ADAMTSL1: variants seen among roughly 807,000 people sequenced by gnomAD.
ADAMTSL1 encodes ADAMTS-like protein 1.
Under a neutral mutation model 201.8 loss-of-function variants are expected in ADAMTSL1, and 126 were observed. That is an observed-to-expected ratio of 0.62 (90% CI 0.54 to 0.72). ADAMTSL1 has a LOEUF of 0.72. Among genes scored for constraint, ADAMTSL1 ranks in the 30% least tolerant of loss-of-function variants. The pLI is 0.00. For missense variants in ADAMTSL1, 2,679 were observed against 2,277.8 expected (o/e 1.18, Z -3.59); for synonymous variants, 1,121 against 903.4 (o/e 1.24, Z -4.32).
chr9:18,033,919 A>T (rs1308346505), intron 1 of ADAMTSL1, among the ~76,000 whole-genome samples: 1 of 152,172 alleles, frequency 6.6e-6, no homozygotes, highest in Non-Finnish European at 1.5e-5. Flanking sequence ...TGTATACATT[A>T]TCACAATAAA....
chr9:18,573,897 A>G (rs1314335946), intron 3 of ADAMTSL1, 133 bp from the exon 4 acceptor site: 2 of 676,796 alleles, frequency 3.0e-6, no homozygotes, highest in Non-Finnish European at 5.1e-6. Flanking sequence ...AGATGATATT[A>G]TAAGTTCCAT....
At chr9:18,429,251 T>C (rs1819373671) in intron 2 of ADAMTSL1, among the ~76,000 whole-genome samples, 1 of 152,214 alleles carries the variant, frequency 6.6e-6, no homozygotes, top group South Asian at 2.1e-4. Flanking sequence ...AATCATAACC[T>C]CTTAGTCAAT....
chr9:18,166,382 A>G lies in ADAMTSL1; in HGVS notation c.207+2401A>G, dbSNP rs538289614. On this transcript the variant is annotated intron_variant, in intron 2 of 29. Coordinates refer to the ADAMTSL1 transcript ENST00000680146. ...ACATTTTATATTGAAAACACTGAGA[A>G]TTCCATCACGGAATATGCATGAAAA... Among the ~76,000 whole-genome samples, 11 of 152,076 alleles carry G rather than the reference A, an allele frequency of 7.2e-5. No homozygotes were observed. In the South Asian group the frequency reaches 1.7e-3, roughly 23 times the overall value.
At chr9:18,635,898 G>GATTGCTTCTATCCTTGCCTTCTAA (rs766264038) in intron 5 of ADAMTSL1, 45 bp from the exon 6 acceptor site, 29 of 1,525,868 alleles carry the variant, frequency 1.9e-5, no homozygotes, top group Non-Finnish European at 2.6e-5. Flanking sequence ...CAATAATTTT[G>GATTGCTTCTATCCTTGCCTTCTAA]TGTCAAGTGA....
intron 1 of ADAMTSL1, among the ~76,000 whole-genome samples, chr9:17,941,168 C>A (rs946916100): frequency 6.6e-6 from 1 of 151,974 alleles, no homozygotes; most frequent in African/African-American, 2.4e-5. Context: ...AGAGAGAAGC[C>A]AAGCAGATTT....
chr9:18,598,488 A>G (rs1223897867), intron 4 of ADAMTSL1, among the ~76,000 whole-genome samples: 2 of 152,018 alleles, frequency 1.3e-5, no homozygotes, highest in Non-Finnish European at 2.9e-5. Context: ...TTTTATTTGG[A>G]TTATTCATTT....
chr9:18,137,922 A>C, intron 1 of ADAMTSL1, among the ~76,000 whole-genome samples: 1 of 152,142 alleles, frequency 6.6e-6, no homozygotes, highest in East Asian at 1.9e-4. Context: ...AAATCTTGCT[A>C]GGGAGAGTTA....
intron 2 of ADAMTSL1, among the ~76,000 whole-genome samples, chr9:18,321,347 A>G (rs10810955): frequency 0.34 from 51,421 of 151,768 alleles, 9,167 homozygotes; most frequent in Admixed American, 0.51. Context: ...GTAAAAATCT[A>G]CAAACATGGT....
At chr9:18,129,884 G>A (rs766610996) in intron 1 of ADAMTSL1, among the ~76,000 whole-genome samples, 8 of 152,184 alleles carry the variant, frequency 5.3e-5, no homozygotes, top group Admixed American at 1.3e-4. Flanking sequence ...AAACAGGGAA[G>A]CAGGTAAAGG....
intron 7 of ADAMTSL1, among the ~76,000 whole-genome samples, chr9:18,649,793 C>G (rs1394274843): frequency 1.3e-5 from 2 of 152,024 alleles, no homozygotes; most frequent in Non-Finnish European, 2.9e-5. Flanking sequence ...TGTCAGTCTG[C>G]CCCTACTGGG....
At chr9:18,578,526 T>A (rs976234332) in intron 4 of ADAMTSL1, among the ~76,000 whole-genome samples, 1 of 152,180 alleles carries the variant, frequency 6.6e-6, no homozygotes, top group East Asian at 1.9e-4. Context: ...ACCATCTAGG[T>A]TGGAATCTAA....
At chr9:18,496,195 A>T (rs1430468757) in intron 1 of ADAMTSL1, among the ~76,000 whole-genome samples, 1 of 152,248 alleles carries the variant, frequency 6.6e-6, no homozygotes, top group East Asian at 1.9e-4. Context: ...CTAGTACTAC[A>T]TAATGGGACA....
intron 23 of ADAMTSL1, among the ~76,000 whole-genome samples, chr9:18,879,416 AGCCTT>A (rs1287445097): frequency 2.6e-5 from 4 of 152,216 alleles, no homozygotes; most frequent in African/African-American, 9.6e-5. Context: ...AACTGATCTT[AGCCTT>A]GATAAGTTTC....
Position 18,681,913 on chromosome 9 carries a change from C to G in ADAMTSL1, c.1443C>G (p.His481Gln). 1 of 1,614,138 alleles carries G rather than the reference C, an allele frequency of 6.2e-7. No homozygotes were observed. The highest frequency in any genetic ancestry group is 1.6e-4 in the Middle Eastern group (1 of 6,062). The change falls in exon 12 of 29, where the codon CAC (histidine) becomes CAG (glutamine). Residue 481 changes from histidine to glutamine, a missense_variant. By Grantham distance (24) the His-to-Gln change is conservative. Transcript: ENST00000380548. ...GCTGTAGCCCAAAAACAAAGCCCCA[C>G]ATAAAAGAGGAATGCATCGTACCCA... Reference protein sequence around the residue: ...TGGCSPKTKPHIKEECIVPTP... With the variant: ...TGGCSPKTKPQIKEECIVPTP...
chr9:18,606,783 T>C (rs756644578), intron 4 of ADAMTSL1, among the ~76,000 whole-genome samples: 1 of 152,166 alleles, frequency 6.6e-6, no homozygotes, highest in Non-Finnish European at 1.5e-5. Flanking sequence ...TTTTCTTATT[T>C]ATTGCCTCTT....
intron 23 of ADAMTSL1, among the ~76,000 whole-genome samples, chr9:18,867,146 G>T (rs560736706): frequency 1.3e-5 from 2 of 152,164 alleles, no homozygotes; most frequent in African/African-American, 4.8e-5. Context: ...AGATATGAAG[G>T]GACTAGCAGA....
intron 1 of ADAMTSL1, among the ~76,000 whole-genome samples, chr9:18,149,340 G>GT (rs1223888425): frequency 6.6e-6 from 1 of 152,070 alleles, no homozygotes; most frequent in African/African-American, 2.4e-5. Context: ...GCCATCCAAT[G>GT]TTGCTAAAGC....
At chr9:18,273,471 A>G (rs1242387368) in intron 2 of ADAMTSL1, among the ~76,000 whole-genome samples, 1 of 152,256 alleles carries the variant, frequency 6.6e-6, no homozygotes, top group Non-Finnish European at 1.5e-5. Flanking sequence ...TCTCACAAAA[A>G]TTAAGACTTT....
intron 19 of ADAMTSL1, among the ~76,000 whole-genome samples, chr9:18,787,060 A>T (rs10963758): frequency 0.15 from 22,288 of 152,154 alleles, 2,245 homozygotes; most frequent in East Asian, 0.31. Context: ...TTCTCTATGT[A>T]CAAGTCATAA....
Sources: allele counts gnomAD v4.1 joint callset (sites outside exome capture counted in the v4.1 genomes callset), GRCh38; gene constraint gnomAD v4.1.1; transcripts MANE v1.5; gene names NCBI Gene and HGNC (gene_info 2026-07-23, HGNC 2026-07-21).